The following STK4 variants were observed in gnomAD, a reference collection of about 807,000 sequenced individuals.
The protein encoded by STK4 is serine/threonine kinase 4.
STK4 carries 30 observed loss-of-function variants against 64.9 expected under a neutral mutation model. The observed-to-expected ratio is 0.46, with a 90% CI of 0.35 to 0.63. STK4 has a LOEUF of 0.63. STK4 is among the 20% of genes least tolerant of loss of function. The pLI is 0.01. For synonymous variants in STK4, 177 were observed against 199.0 expected, an observed-to-expected ratio of 0.89 and a Z score of 0.93; for missense variants, 466 against 598.5, an observed-to-expected ratio of 0.78 and a Z score of 2.31.
chr20:44,977,604 TA>T (rs1479344502), intron 2 of STK4, among the ~76,000 whole-genome samples: 4 of 152,190 alleles, frequency 2.6e-5, no homozygotes, highest in Admixed American at 1.3e-4. Context: ...AAAATTCAGG[TA>T]CAACAAGGTT....
chr20:44,997,770 A>G (rs182199416), intron 7 of STK4, among the ~76,000 whole-genome samples: 6 of 152,330 alleles, frequency 3.9e-5, no homozygotes, highest in African/African-American at 1.2e-4. Flanking sequence ...GTAGAAAAGA[A>G]TGTTAAATCA....
chr20:45,032,004 C>A (rs1366865470), intron 10 of STK4, among the ~76,000 whole-genome samples: 3 of 151,388 alleles, frequency 2.0e-5, no homozygotes, highest in Non-Finnish European at 2.9e-5. Context: ...TATACTTTAT[C>A]TAGAAGATGT....
intron 7 of STK4, among the ~76,000 whole-genome samples, chr20:44,998,055 T>C (rs7271519): frequency 0.26 from 39,004 of 152,072 alleles, 5,688 homozygotes; most frequent in Middle Eastern, 0.43. Flanking sequence ...TACCATCAAG[T>C]CTACCCGAGT....
intron 9 of STK4, among the ~76,000 whole-genome samples, chr20:45,015,461 G>T (rs1035379846): frequency 1.3e-5 from 2 of 152,190 alleles, no homozygotes; most frequent in Non-Finnish European, 1.5e-5. Context: ...TCCAATTTCT[G>T]ATCCCTTCAG....
chr20:44,995,300 A>G, intron 6 of STK4, 43 bp downstream of exon 6: 2 of 1,569,664 alleles, frequency 1.3e-6, no homozygotes, highest in Non-Finnish European at 8.6e-7. Context: ...TTAGTTACTG[A>G]TCATCATTAA....
Position 45,075,219 on chromosome 20 carries a change from G to T in STK4, c.*43G>T. 6.2e-7 allele frequency: 1 copy of T among 1,601,234 alleles called. No individual in the cohort carries two copies. The highest frequency in any genetic ancestry group is 1.3e-5 in the African/African-American group (1 of 74,808). ...GGGCCCCAGCTCCACCCAGGCTTTGGGTGAATTCTGGATGGCTTGCCTCAT... is the reference window on the plus strand; with the variant it reads ...GGGCCCCAGCTCCACCCAGGCTTTGTGTGAATTCTGGATGGCTTGCCTCAT... On this transcript the variant is annotated 3_prime_UTR_variant, in exon 11 of 11. Coordinates refer to ENST00000372806, the MANE Select transcript of STK4 (RefSeq NM_006282.5).
intron 1 of STK4, among the ~76,000 whole-genome samples, 161 bp from the exon 2 acceptor site, chr20:44,971,917 T>C (rs1403157460): frequency 1.3e-5 from 2 of 152,128 alleles, no homozygotes; most frequent in Non-Finnish European, 2.9e-5. Flanking sequence ...GTGATCTGCC[T>C]GTATCGGCCT....
intron 10 of STK4, among the ~76,000 whole-genome samples, chr20:45,038,703 T>C (rs965569810): frequency 2.6e-5 from 4 of 152,044 alleles, no homozygotes; most frequent in African/African-American, 9.7e-5. Context: ...TTCATACTTA[T>C]AAACATTATT....
At chr20:44,991,821 C>CA in intron 5 of STK4, among the ~76,000 whole-genome samples, 1 of 152,150 alleles carries the variant, frequency 6.6e-6, no homozygotes, top group South Asian at 2.1e-4. Context: ...CACCACCACC[C>CA]CCAGCTAATT....
At chr20:45,006,261 T>G (rs907453442) in intron 9 of STK4, among the ~76,000 whole-genome samples, 1 of 151,376 alleles carries the variant, frequency 6.6e-6, no homozygotes, top group Non-Finnish European at 1.5e-5. Flanking sequence ...ATGTATTTAT[T>G]TATTTATTTA....
At position 45,077,747 on chromosome 20, in the gene STK4, T is replaced by C. The variant is rs1980627935; in HGVS notation, c.*2571T>C. ...GCCAGAGAGGAGGAGAAAGCCCATT[T>C]TCTCCCTTCCTAAGCTAGATCCAAA... On this transcript the variant is annotated 3_prime_UTR_variant, in exon 11 of 11. Coordinates refer to ENST00000372806, the MANE Select transcript of STK4 (RefSeq NM_006282.5). 1 of 152,202 alleles carries C rather than the reference T, an allele frequency of 6.6e-6. No homozygotes were observed. The highest frequency in any genetic ancestry group is 2.4e-5 in the African/African-American group (1 of 41,448). 9.4% of individuals were successfully genotyped at this position (152,202 alleles called of 1,614,324 possible).
chr20:45,063,407 C>T (rs1047058174), intron 10 of STK4, among the ~76,000 whole-genome samples: 15 of 152,148 alleles, frequency 9.9e-5, no homozygotes, highest in African/African-American at 3.6e-4. Context: ...AGTGTCTGTT[C>T]ATGTCCTCTG....
intron 9 of STK4, among the ~76,000 whole-genome samples, chr20:45,012,880 G>A (rs1419634613): frequency 1.4e-5 from 2 of 148,032 alleles, no homozygotes; most frequent in African/African-American, 5.0e-5. Context: ...AATTCCTGGG[G>A]CCAAGCAATC....
At chr20:44,989,677 A>G (rs2145672011) in intron 5 of STK4, among the ~76,000 whole-genome samples, 1 of 152,062 alleles carries the variant, frequency 6.6e-6, no homozygotes, top group African/African-American at 2.4e-5. Flanking sequence ...AGGGTCATGG[A>G]GATTTACTCC....
chr20:45,019,061 T>C (rs2054021585), intron 9 of STK4, among the ~76,000 whole-genome samples: 1 of 152,220 alleles, frequency 6.6e-6, no homozygotes, highest in Non-Finnish European at 1.5e-5. Context: ...ATAATTTATA[T>C]GTCATAAAAT....
chr20:45,021,651 C>T (rs1363251327), intron 9 of STK4, among the ~76,000 whole-genome samples: 9 of 152,196 alleles, frequency 5.9e-5, no homozygotes, highest in Admixed American at 2.6e-4. Context: ...GTTTGAGTTA[C>T]CTCTTCCATC....
intron 10 of STK4, among the ~76,000 whole-genome samples, chr20:45,056,714 G>A (rs1489045867): frequency 1.3e-5 from 2 of 152,194 alleles, no homozygotes; most frequent in Non-Finnish European, 2.9e-5. Flanking sequence ...TCAGAGAGGA[G>A]ATAGAAACCA....
At chr20:45,072,229 A>T (rs1299635855) in intron 10 of STK4, among the ~76,000 whole-genome samples, 1 of 152,178 alleles carries the variant, frequency 6.6e-6, no homozygotes, top group Admixed American at 6.5e-5. Flanking sequence ...GACTTCTGAG[A>T]TCATCTAGTC....
intron 3 of STK4, among the ~76,000 whole-genome samples, chr20:44,980,353 A>G (rs2145649100): frequency 6.6e-6 from 1 of 152,342 alleles, no homozygotes; most frequent in South Asian, 2.1e-4. Context: ...GTTCTGAGTT[A>G]ATGAAGCCAA....
Sources: allele counts gnomAD v4.1 joint callset (sites outside exome capture counted in the v4.1 genomes callset), GRCh38; gene constraint gnomAD v4.1.1; transcripts MANE v1.5; gene names NCBI Gene and HGNC (gene_info 2026-07-23, HGNC 2026-07-21).